Variants in ANKRD44 observed in about 807,000 individuals in gnomAD.
The protein encoded by ANKRD44 is ankyrin repeat domain 44.
A neutral mutation model predicts 116.0 loss-of-function variants in ANKRD44; 35 were observed. The ratio of observed to expected loss-of-function variants is 0.30; its 90% confidence interval spans 0.23 to 0.40. The LOEUF is 0.40. ANKRD44 is among the 10% of genes least tolerant of loss of function. The pLI is 1.00. For missense variants in ANKRD44, 1,014 were observed against 1,242.6 expected, an observed-to-expected ratio of 0.82 and a Z score of 2.77; for synonymous variants, 435 against 461.8, an observed-to-expected ratio of 0.94 and a Z score of 0.74.
intron 1 of ANKRD44, among the ~76,000 whole-genome samples, chr2:197,241,856 C>T (rs962372948): frequency 1.3e-5 from 2 of 152,144 alleles, no homozygotes; most frequent in Admixed American, 6.5e-5. Context: ...TAAAGAGTTC[C>T]TCCTCTGCTA....
intron 10 of ANKRD44, among the ~76,000 whole-genome samples, chr2:197,098,438 G>A (rs1174149884): frequency 6.6e-6 from 1 of 152,178 alleles, no homozygotes; most frequent in East Asian, 1.9e-4. Flanking sequence ...GACTTTCAAT[G>A]ATGTTGCAGA....
chr2:197,084,154 T>C (rs540222597), intron 13 of ANKRD44, among the ~76,000 whole-genome samples: 51 of 152,278 alleles, frequency 3.3e-4, no homozygotes, highest in African/African-American at 1.1e-3. Context: ...ATTGAAGACT[T>C]TCCAAAACTG....
intron 16 of ANKRD44, among the ~76,000 whole-genome samples, chr2:197,037,162 C>T (rs55718939): frequency 0.096 from 14,629 of 152,192 alleles, 920 homozygotes; most frequent in African/African-American, 0.17. Flanking sequence ...AGTGAAACTA[C>T]GGGTGTTTTG....
At chr2:197,305,375 A>T (rs2084038985) in intron 1 of ANKRD44, among the ~76,000 whole-genome samples, 1 of 152,246 alleles carries the variant, frequency 6.6e-6, no homozygotes, top group African/African-American at 2.4e-5. Flanking sequence ...GGAGTGTCAT[A>T]GCTTAAACAA....
rs894335374 is a variant in ANKRD44 at position 196,993,613 on chromosome 2, C to A, written c.2893G>T (p.Gly965Trp). Residue 965 changes from glycine to tryptophan, a missense_variant, in exon 27 of 28, where the codon GGG becomes TGG. Transcript: ENST00000282272. Reference sequence around the variant, plus strand: ...TCATCTACAGCAAGTACACAGGCCCCTTTGGCCAGCAACTCCTCAACTACC... The same window carrying A: ...TCATCTACAGCAAGTACACAGGCCCATTTGGCCAGCAACTCCTCAACTACC... Reference protein sequence around the residue: ...KVVVEELLAKGACVLAVDENA... With the variant: ...KVVVEELLAKWACVLAVDENA... 1 of 1,550,968 alleles carries A rather than the reference C, an allele frequency of 6.4e-7. No individual in the cohort carries two copies. Among genetic ancestry groups the A allele is most frequent in the Non-Finnish European group, 8.7e-7 (1 of 1,147,090 alleles).
intron 1 of ANKRD44, among the ~76,000 whole-genome samples, chr2:197,288,725 C>A (rs1205802602): frequency 6.6e-6 from 1 of 151,906 alleles, no homozygotes; most frequent in African/African-American, 2.4e-5. Flanking sequence ...CCGTAAAAAA[C>A]AATGAAATCA....
intron 9 of ANKRD44, among the ~76,000 whole-genome samples, chr2:197,103,575 C>T (rs539453110): frequency 2.8e-4 from 43 of 152,092 alleles, no homozygotes; most frequent in Non-Finnish European, 5.1e-4. Context: ...TCTTTTTGTA[C>T]TGATGTCTAA....
rs181100082 is a variant in ANKRD44, at chr2:197,215,122, C to T, written c.28-28016G>A. Among the ~76,000 whole-genome samples, 708 of 152,248 alleles carry T rather than the reference C, an allele frequency of 4.7e-3. 3 individuals carry two copies. Among genetic ancestry groups the T allele is most frequent in the African/African-American group, 0.015 (615 of 41,514 alleles). On this transcript the variant is annotated intron_variant, in intron 1 of 27. Coordinates refer to ENST00000282272, the MANE Select transcript of ANKRD44 (RefSeq NM_001195144.2). ...AACTCCTGGCCTCACATGATCCTCC[C>T]GGCTCAGCCTCCCAAAGTGCTGGGA... is the stretch of plus-strand genomic sequence containing the variant.
intron 16 of ANKRD44, among the ~76,000 whole-genome samples, chr2:197,068,391 A>T (rs1296287392): frequency 3.0e-5 from 2 of 67,350 alleles, no homozygotes; most frequent in Non-Finnish European, 4.1e-5. Flanking sequence ...AAAAAATAAA[A>T]AAAAAATAAA....
intron 1 of ANKRD44, among the ~76,000 whole-genome samples, chr2:197,200,735 G>A (rs965590379): frequency 4.6e-5 from 7 of 152,062 alleles, no homozygotes; most frequent in African/African-American, 1.7e-4. Context: ...AAAATAATAT[G>A]AATAACATGA....
At chr2:197,062,355 G>C (rs1189569363) in intron 16 of ANKRD44, among the ~76,000 whole-genome samples, 3 of 152,224 alleles carry the variant, frequency 2.0e-5, no homozygotes, top group Non-Finnish European at 4.4e-5. Flanking sequence ...TATTGAATAA[G>C]AGAGGATACA....
At chr2:197,036,724 A>T (rs2076815112) in intron 16 of ANKRD44, among the ~76,000 whole-genome samples, 1 of 152,216 alleles carries the variant, frequency 6.6e-6, no homozygotes, top group African/African-American at 2.4e-5. Context: ...TAGTATGTGT[A>T]AGGAAAGGCT....
chr2:197,225,768 CA>C (rs1270897324), intron 1 of ANKRD44, among the ~76,000 whole-genome samples: 3 of 152,326 alleles, frequency 2.0e-5, no homozygotes. Flanking sequence ...ATTTGGCATT[CA>C]ACAAAATATA....
intron 1 of ANKRD44, among the ~76,000 whole-genome samples, chr2:197,188,128 G>A (rs1295616795): frequency 1.3e-5 from 2 of 152,114 alleles, no homozygotes; most frequent in East Asian, 1.9e-4. Flanking sequence ...TAAGTGGCAC[G>A]ATGGCAGTTT....
At chr2:197,131,861 T>A (rs2079105058) in intron 4 of ANKRD44, among the ~76,000 whole-genome samples, 1 of 152,206 alleles carries the variant, frequency 6.6e-6, no homozygotes, top group Non-Finnish European at 1.5e-5. Context: ...TTAGACTTTC[T>A]GGGTTTGTGT....
chr2:197,190,416 T>C (rs1170041527), intron 1 of ANKRD44, among the ~76,000 whole-genome samples: 5 of 152,232 alleles, frequency 3.3e-5, no homozygotes, highest in Non-Finnish European at 5.9e-5. Context: ...GATAACGTGC[T>C]TTGCTTCAAC....
intron 1 of ANKRD44, among the ~76,000 whole-genome samples, chr2:197,306,184 A>C (rs771213000): frequency 6.6e-6 from 1 of 152,024 alleles, no homozygotes; most frequent in Non-Finnish European, 1.5e-5. Context: ...CTTCTCTGTA[A>C]ACAAGATCAG....
Position 196,989,083 on chromosome 2 carries a change from T to C in ANKRD44, c.*508A>G. On this transcript the variant is annotated 3_prime_UTR_variant, in exon 28 of 28. Coordinates refer to ENST00000282272, the MANE Select transcript of ANKRD44 (RefSeq NM_001195144.2). ...CTGGAAACCTTAGCAGTGGAAATGCTAGGTTTGGCCCTTGGGCTTTTGGCT... is the reference window on the plus strand; with the variant it reads ...CTGGAAACCTTAGCAGTGGAAATGCCAGGTTTGGCCCTTGGGCTTTTGGCT... 1 of 984,884 alleles carries C rather than the reference T, an allele frequency of 1.0e-6. No individual in the cohort carries two copies. The highest frequency in any genetic ancestry group is 1.2e-6 in the Non-Finnish European group (1 of 829,886). The allele number at this position is 984,884 out of a possible 1,614,324, so 61.0% of individuals were successfully genotyped here.
At position 197,055,858 on chromosome 2, in the gene ANKRD44, A is replaced by G. The variant is rs374676501; in HGVS notation, c.1650+22845T>C. On this transcript the variant is annotated intron_variant, in intron 16 of 27. Coordinates refer to ENST00000282272, the MANE Select transcript of ANKRD44 (RefSeq NM_001195144.2). The stretch of plus-strand genomic sequence containing the variant: ...TTCTGTTCTTTTGATGAGTTCATCT[A>G]TCTTTGCTCTAATACCATACTGTTT... Among the ~76,000 whole-genome samples the G allele has an allele frequency of 2.0e-5, 3 of 152,230 alleles. No homozygotes were observed. The Middle Eastern group carries it at 0.01, about 518-fold the overall frequency.
Sources: gnomAD v4.1 joint callset for allele counts (sites outside exome capture counted in the v4.1 genomes callset) on GRCh38, gnomAD v4.1.1 for gene constraint, MANE v1.5 for transcripts, NCBI Gene and HGNC (gene_info 2026-07-23, HGNC 2026-07-21) for gene names.